SLC17A5: variants seen among roughly 807,000 people sequenced by gnomAD.
The protein encoded by SLC17A5 is sialin.
In SLC17A5, 47 loss-of-function variants were observed where a neutral mutation model predicts 59.4. The ratio of observed to expected loss-of-function variants is 0.79; its 90% CI spans 0.63 to 1.01. The LOEUF is 1.01. Ranked by LOEUF, SLC17A5 falls within the 50% of genes least tolerant of loss-of-function variation. SLC17A5 has a pLI of 0.00. For synonymous variants in SLC17A5, 202 were observed against 210.7 expected (o/e 0.96, Z 0.36); for missense variants, 522 against 595.5 (o/e 0.88, Z 1.28).
intron 1 of SLC17A5, chr6:73,645,398 ATGACAGTTGCAGCATCTG>A (rs1769489848): frequency 2.0e-6 from 2 of 985,114 alleles, no homozygotes; most frequent in African/African-American, 3.5e-5. Flanking sequence ...TGCAGAACCT[ATGACAGTTGCAGCATCTG>A]TGACAGTTGC....
intron 9 of SLC17A5, among the ~76,000 whole-genome samples, chr6:73,601,487 G>T (rs1767091533): frequency 7.3e-6 from 1 of 137,186 alleles, no homozygotes; most frequent in Non-Finnish European, 1.6e-5. Flanking sequence ...CGCCTGGCCA[G>T]CCGCCCCGTC....
intron 7 of SLC17A5, chr6:73,618,640 C>A: frequency 2.6e-6 from 1 of 382,612 alleles, no homozygotes; most frequent in Non-Finnish European, 5.0e-6. Context: ...TCTCTATAAA[C>A]ACATTTTAGA....
At chr6:73,646,767 G>T (rs1443248721) in intron 1 of SLC17A5, among the ~76,000 whole-genome samples, 2 of 151,950 alleles carry the variant, frequency 1.3e-5, no homozygotes, top group Non-Finnish European at 2.9e-5. Flanking sequence ...CGAACCCCTG[G>T]ACTCAAGTGA....
chr6:73,617,368 A>G (rs1030912916), intron 7 of SLC17A5, among the ~76,000 whole-genome samples: 9 of 152,170 alleles, frequency 5.9e-5, no homozygotes, highest in African/African-American at 2.2e-4. Context: ...GATCACATCT[A>G]TCATTATTTG....
At chr6:73,649,060 C>T (rs1769721193) in intron 1 of SLC17A5, among the ~76,000 whole-genome samples, 1 of 151,094 alleles carries the variant, frequency 6.6e-6, no homozygotes, top group Non-Finnish European at 1.5e-5. Context: ...TGCAGTGGCA[C>T]AATCTCAGCT....
At chr6:73,620,339 ATTTC>A (rs1394042982) in intron 7 of SLC17A5, among the ~76,000 whole-genome samples, 4 of 146,156 alleles carry the variant, frequency 2.7e-5, no homozygotes, top group Non-Finnish European at 6.0e-5. Context: ...TATATTATTT[ATTTC>A]TTTCTTTTTT....
chr6:73,635,494 A>G lies in SLC17A5; in HGVS notation c.707T>C (p.Ile236Thr), dbSNP rs1561997510. ...CCACAAAAGAAACCAAAATATTCCA[A>G]TAGTACCTTAAAATAGAAAAATAAT... is the stretch of plus-strand genomic sequence containing the variant. ...WTYVFYFFGT[I>T]GIFWFLLWIW... is the part of the protein sequence containing the mutation. Residue 236 changes from isoleucine (I) to threonine (T), a missense_variant, in exon 6 of 11, where the codon ATT (isoleucine) becomes ACT (threonine). By Grantham distance (89) the Ile-to-Thr change is moderately conservative. Coordinates refer to ENST00000355773, the MANE Select transcript of SLC17A5 (RefSeq NM_012434.5). 4 of 1,495,672 alleles carry G rather than the reference A, an allele frequency of 2.7e-6. No homozygotes were observed. The highest frequency in any genetic ancestry group is 1.8e-4 in the Middle Eastern group (1 of 5,526). 92.7% of individuals were successfully genotyped at this position (1,495,672 alleles called of 1,614,324 possible). A position where few individuals can be genotyped will look rare whatever the true frequency, so the allele number is the denominator to read the frequency against.
chr6:73,606,601 G>GCTCA, intron 9 of SLC17A5, among the ~76,000 whole-genome samples: 1 of 152,156 alleles, frequency 6.6e-6, no homozygotes, highest in African/African-American at 2.4e-5. Flanking sequence ...GATGCTTGAA[G>GCTCA]CTCAGGCACA....
At position 73,593,917 on chromosome 6, in the gene SLC17A5, A is replaced by G. The variant is rs1293622066; in HGVS notation, c.*1160T>C. On this transcript the variant is annotated 3_prime_UTR_variant, in exon 11 of 11. Coordinates refer to ENST00000355773, the MANE Select transcript of SLC17A5 (RefSeq NM_012434.5). The stretch of plus-strand genomic sequence containing the variant: ...CCATCTCTACAAAATACAAACGAAC[A>G]AAACACAGCACATAGAAATTTATAC... The G allele has an allele frequency of 6.6e-6, 1 of 152,168 alleles. No individual in the cohort carries two copies. Among genetic ancestry groups the G allele is most frequent in the African/African-American group, 2.4e-5 (1 of 41,446 alleles). The allele number at this position is 152,168 out of a possible 1,614,324, so 9.4% of individuals were successfully genotyped here.
chr6:73,632,412 A>G (rs893301355), intron 6 of SLC17A5, among the ~76,000 whole-genome samples: 1 of 146,350 alleles, frequency 6.8e-6, no homozygotes, highest in African/African-American at 2.5e-5. Context: ...AGAGATTAAG[A>G]CACATATCGA....
chr6:73,630,517 T>G (rs1768651791), intron 6 of SLC17A5, among the ~76,000 whole-genome samples: 1 of 152,164 alleles, frequency 6.6e-6, no homozygotes, highest in Non-Finnish European at 1.5e-5. Flanking sequence ...CAAATCTGAT[T>G]CTGTCACTTC....
rs1338485534 is a variant in SLC17A5 at position 73,607,716 on chromosome 6, G to A, written c.1259+2684C>T. On this transcript the variant is annotated intron_variant, in intron 9 of 10. Coordinates refer to ENST00000355773, the MANE Select transcript of SLC17A5 (RefSeq NM_012434.5). The stretch of plus-strand genomic sequence containing the variant: ...CTACCTTTCAGATTTATTAAATGGT[G>A]TGGGTGACTTACCACCTTCTGGCTG... 2.0e-5 allele frequency among the ~76,000 whole-genome samples: 3 copies of A among 151,760 alleles called. No individual in the cohort carries two copies. In the East Asian group the frequency reaches 5.8e-4, roughly 29 times the overall value.
chr6:73,650,507 CAAAAA>C (rs999445559), intron 1 of SLC17A5, among the ~76,000 whole-genome samples: 2 of 35,548 alleles, frequency 5.6e-5, no homozygotes. Flanking sequence ...GACTCCGTCT[CAAAAA>C]AAAAAAAAAA....
At chr6:73,629,194 C>A (rs927185800) in intron 6 of SLC17A5, among the ~76,000 whole-genome samples, 10 of 152,088 alleles carry the variant, frequency 6.6e-5, no homozygotes, top group African/African-American at 2.4e-4. Flanking sequence ...TCAAGACCAG[C>A]CTGGGCAACA....
chr6:73,601,900 G>A (rs1221906995), intron 9 of SLC17A5, among the ~76,000 whole-genome samples: 1 of 151,760 alleles, frequency 6.6e-6, no homozygotes, highest in Non-Finnish European at 1.5e-5. Context: ...GGGAAGTGAG[G>A]AGCCCCTCTG....
At chr6:73,612,735 T>C (rs2150088712) in intron 8 of SLC17A5, among the ~76,000 whole-genome samples, 1 of 152,258 alleles carries the variant, frequency 6.6e-6, no homozygotes, top group East Asian at 1.9e-4. Context: ...CCATCATGCC[T>C]AACTGATTAG....
chr6:73,653,988 G>A lies in SLC17A5; in HGVS notation c.-102C>T. 1 of 1,086,752 alleles carries A rather than the reference G, an allele frequency of 9.2e-7. No individual in the cohort carries two copies. The highest frequency in any genetic ancestry group is 1.4e-5 in the South Asian group (1 of 72,890). 67.3% of individuals were successfully genotyped at this position (1,086,752 alleles called of 1,614,324 possible). On this transcript the variant is annotated 5_prime_UTR_variant, in exon 1 of 11. Transcript: ENST00000355773. ...CGAGCTGGCTGGACCGGGCGGGGCG[G>A]GGGCGATGACACCGCCCCGCGGCCA...
rs902731848 is a variant in SLC17A5, at chr6:73,648,625, C to G, written c.95-4022G>C. On this transcript the variant is annotated intron_variant, in intron 1 of 10. Transcript: ENST00000355773. ...ATACTGCAAGACATTATAGCAGGCA[C>G]TTAGTAAAAAGGATTTCTTCCTCCT... is the stretch of plus-strand genomic sequence containing the variant. Among the ~76,000 whole-genome samples the G allele has an allele frequency of 8.5e-5, 13 of 152,168 alleles. 1 individual carries two copies. Among genetic ancestry groups the G allele is most frequent in the Non-Finnish European group, 1.5e-4 (10 of 68,040 alleles).
At chr6:73,625,250 G>A (rs1017037860) in intron 6 of SLC17A5, among the ~76,000 whole-genome samples, 15 of 152,100 alleles carry the variant, frequency 9.9e-5, no homozygotes, top group African/African-American at 2.9e-4. Context: ...GCAGTGGCGC[G>A]ATCTTGGCTC....
Sources: gnomAD v4.1 joint callset for allele counts (sites outside exome capture counted in the v4.1 genomes callset) on GRCh38, gnomAD v4.1.1 for gene constraint, MANE v1.5 for transcripts, NCBI Gene and HGNC (gene_info 2026-07-23, HGNC 2026-07-21) for gene names.